The following SLIT3 variants were observed in gnomAD, a reference collection of about 807,000 sequenced individuals.
SLIT3 encodes slit homolog 3 protein.
In SLIT3, 68 loss-of-function variants were observed where a neutral mutation model predicts 184.0. The ratio of observed to expected loss-of-function variants is 0.37; its 90% CI spans 0.30 to 0.45. SLIT3 has a LOEUF of 0.45. Among genes scored for constraint, SLIT3 ranks in the 20% least tolerant of loss-of-function variants. The pLI is 1.00. For synonymous variants in SLIT3, 831 were observed against 828.6 expected (o/e 1.00, Z -0.05); for missense variants, 1,707 against 2,026.0 (o/e 0.84, Z 3.02).
At chr5:168,807,293 T>C (rs1042723465) in intron 8 of SLIT3, among the ~76,000 whole-genome samples, 1 of 152,162 alleles carries the variant, frequency 6.6e-6, no homozygotes, top group Non-Finnish European at 1.5e-5. Flanking sequence ...GAAAGCCAAA[T>C]GTAGATAGAC....
chr5:169,111,579 C>G (rs1032092602), intron 4 of SLIT3, among the ~76,000 whole-genome samples: 1 of 151,920 alleles, frequency 6.6e-6, no homozygotes, highest in Non-Finnish European at 1.5e-5. Context: ...TGATGAAACC[C>G]CATCTGTACA....
intron 3 of SLIT3, among the ~76,000 whole-genome samples, chr5:169,225,258 T>C (rs1390355624): frequency 1.3e-5 from 2 of 152,194 alleles, no homozygotes; most frequent in African/African-American, 4.8e-5. Flanking sequence ...CTGGAAGTTT[T>C]TCTAGATTTT....
chr5:168,804,327 A>AC (rs1292091019), intron 9 of SLIT3, among the ~76,000 whole-genome samples: 6 of 150,630 alleles, frequency 4.0e-5, no homozygotes, highest in Admixed American at 6.6e-5. Flanking sequence ...AAAAAAAAAA[A>AC]AAAAAAAAAA....
intron 4 of SLIT3, among the ~76,000 whole-genome samples, chr5:168,977,681 C>A (rs1754814494): frequency 6.6e-6 from 1 of 152,170 alleles, no homozygotes; most frequent in East Asian, 1.9e-4. Context: ...GATCTGCAAG[C>A]CTTGTTTTTC....
At chr5:169,103,872 G>A (rs1043168464) in intron 4 of SLIT3, among the ~76,000 whole-genome samples, 2 of 152,194 alleles carry the variant, frequency 1.3e-5, no homozygotes, top group Admixed American at 1.3e-4. Context: ...GGGAAAGAAC[G>A]AGCCCTTGAT....
intron 10 of SLIT3, among the ~76,000 whole-genome samples, chr5:168,793,509 G>T (rs1034525996): frequency 1.3e-5 from 2 of 152,056 alleles, no homozygotes; most frequent in African/African-American, 4.8e-5. Flanking sequence ...GAAAAAAAGG[G>T]CATCATAATA....
In SLIT3 at chr5:169,018,890, T is replaced by TC. The variant is rs568951982; in HGVS notation, c.414-135555dup. On this transcript the variant is annotated intron_variant, in intron 4 of 35. Coordinates refer to ENST00000519560, the MANE Select transcript of SLIT3 (RefSeq NM_003062.4). The stretch of plus-strand genomic sequence containing the variant: ...CGCTGACGGCTGTCTGGGACTCCTT[T>TC]CCCTAGGAACTCCTGCAGTGGCTGT... Among the ~76,000 whole-genome samples, 607 of 152,294 alleles carry TC rather than the reference T, an allele frequency of 4.0e-3. 4 individuals carry two copies. Among genetic ancestry groups the TC allele is most frequent in the Non-Finnish European group, 6.9e-3 (468 of 68,016 alleles).
intron 4 of SLIT3, among the ~76,000 whole-genome samples, chr5:169,008,166 A>G (rs1170392812): frequency 6.6e-6 from 1 of 152,242 alleles, no homozygotes; most frequent in Non-Finnish European, 1.5e-5. Context: ...GGCAAAAATA[A>G]GATCAATTCT....
intron 3 of SLIT3, among the ~76,000 whole-genome samples, chr5:169,220,208 G>A (rs1764575832): frequency 6.6e-6 from 1 of 151,902 alleles, no homozygotes; most frequent in Non-Finnish European, 1.5e-5. Context: ...GCCCTGTATA[G>A]CCACTGGTCC....
chr5:169,028,060 G>A (rs530338907), intron 4 of SLIT3, among the ~76,000 whole-genome samples: 42 of 152,126 alleles, frequency 2.8e-4, no homozygotes, highest in Non-Finnish European at 5.7e-4. Flanking sequence ...CAGAAACTAC[G>A]ATAAGAAAGC....
At chr5:168,857,481 C>T (rs962616399) in intron 5 of SLIT3, among the ~76,000 whole-genome samples, 2 of 152,124 alleles carry the variant, frequency 1.3e-5, no homozygotes, top group African/African-American at 2.4e-5. Flanking sequence ...TTGACCTTGT[C>T]GGACTATGGC....
chr5:168,950,685 G>A (rs1236330019), intron 4 of SLIT3, among the ~76,000 whole-genome samples: 1 of 152,152 alleles, frequency 6.6e-6, no homozygotes, highest in African/African-American at 2.4e-5. Flanking sequence ...TAAAGAGGGG[G>A]AAAACCCATT....
intron 32 of SLIT3, among the ~76,000 whole-genome samples, chr5:168,673,731 C>T (rs527678608): frequency 6.6e-6 from 1 of 152,322 alleles, no homozygotes; most frequent in African/African-American, 2.4e-5. Context: ...GTTATCTAGT[C>T]TATTATCTGT....
At chr5:169,107,172 T>G (rs889947622) in intron 4 of SLIT3, among the ~76,000 whole-genome samples, 1 of 152,252 alleles carries the variant, frequency 6.6e-6, no homozygotes, top group Non-Finnish European at 1.5e-5. Context: ...ACCCTGCTCC[T>G]GGCTGCTAGC....
In SLIT3 at chr5:169,300,096, C is replaced by T. The variant is rs947299798; in HGVS notation, c.197+417G>A. ...AGGTCAACAGTCTCGGGCCCTCTCT[C>T]CCGCCTCCGCGCCTTGACGGCCCAT... On this transcript the variant is annotated intron_variant, in intron 1 of 35. Coordinates refer to ENST00000519560, the MANE Select transcript of SLIT3 (RefSeq NM_003062.4). This position sits in a 1 kb window ranked among gnomAD's most constrained non-coding sequence, Gnocchi z 4.1. Among the ~76,000 whole-genome samples the T allele has an allele frequency of 1.3e-5, 2 of 152,250 alleles. No homozygotes were observed. Among genetic ancestry groups the T allele is most frequent in the African/African-American group, 4.8e-5 (2 of 41,466 alleles).
At chr5:169,218,543 T>C (rs1438960157) in intron 3 of SLIT3, among the ~76,000 whole-genome samples, 2 of 152,208 alleles carry the variant, frequency 1.3e-5, no homozygotes, top group Non-Finnish European at 2.9e-5. Flanking sequence ...CATTAAGGGA[T>C]TGAGAGTTTA....
At chr5:169,255,763 G>A (rs1450055361) in intron 1 of SLIT3, among the ~76,000 whole-genome samples, 3 of 152,022 alleles carry the variant, frequency 2.0e-5, no homozygotes, top group African/African-American at 7.2e-5. Context: ...GGTGCCTGTT[G>A]TCCCAGCTAC....
chr5:168,666,836 TC>T, intron 35 of SLIT3, 147 bp from the exon 36 acceptor site: 1 of 1,307,928 alleles, frequency 7.6e-7, no homozygotes, highest in Non-Finnish European at 1.1e-6. Flanking sequence ...CTCCCCTCCA[TC>T]CACCCATCTA....
chr5:168,976,179 G>A (rs1240057284), intron 4 of SLIT3, among the ~76,000 whole-genome samples: 1 of 152,126 alleles, frequency 6.6e-6, no homozygotes, highest in East Asian at 1.9e-4. Context: ...TTATAGGGAG[G>A]GAAACTGAGG....
Sources: allele counts gnomAD v4.1 joint callset (sites outside exome capture counted in the v4.1 genomes callset), GRCh38; gene constraint gnomAD v4.1.1; non-coding constraint Gnocchi (gnomAD v3.1); transcripts MANE v1.5; gene names NCBI Gene and HGNC (gene_info 2026-07-23, HGNC 2026-07-21).